CHTF8: variants seen among roughly 807,000 people sequenced by gnomAD.
CHTF8 encodes chromosome transmission fidelity protein 8 homolog.
Under a neutral mutation model 11.0 loss-of-function variants are expected in CHTF8, and 6 were observed. The observed-to-expected ratio is 0.55, with a 90% CI of 0.30 to 1.08. CHTF8 has a LOEUF of 1.08. Among genes scored for constraint, CHTF8 ranks in the 50% least tolerant of loss-of-function variants. The pLI, the probability that CHTF8 is intolerant of heterozygous loss-of-function variation, is 0.07. For synonymous variants in CHTF8, 53 were observed against 60.5 expected, an observed-to-expected ratio of 0.88 and a Z score of 0.57; for missense variants, 140 against 153.1, an observed-to-expected ratio of 0.91 and a Z score of 0.45.
In CHTF8 at chr16:69,118,810, C is replaced by A; in HGVS notation, c.*1615G>T. ...ACCTAAGACAGCCCCTGCCAAGAAC[C>A]ACAGTGCCTAGAAACCAAGGTGGTC... On this transcript the variant is annotated 3_prime_UTR_variant, in exon 4 of 4. Transcript: ENST00000448552. 1.5e-6 allele frequency: 1 copy of A among 671,416 alleles called. No homozygotes were observed. The highest frequency in any genetic ancestry group is 1.6e-5 in the South Asian group (1 of 61,490). The allele number at this position is 671,416 out of a possible 1,614,324, so 41.6% of individuals were successfully genotyped here.
intron 1 of CHTF8, among the ~76,000 whole-genome samples, chr16:69,124,094 ACT>A (rs1224975105): frequency 4.6e-5 from 7 of 151,414 alleles, no homozygotes; most frequent in South Asian, 2.1e-4. Flanking sequence ...GAAGAGCAAG[ACT>A]CTGTCTCAAA....
chr16:69,130,313 G>GT lies in CHTF8; in HGVS notation c.-36+2170dup, dbSNP rs199974418. 5.8e-3 allele frequency among the ~76,000 whole-genome samples: 698 copies of GT among 119,934 alleles called. 26 individuals carry two copies. In the South Asian group the frequency reaches 0.1, roughly 18 times the overall value. 78.7% of individuals were successfully genotyped at this position (119,934 alleles called of 152,430 possible). On this transcript the variant is annotated intron_variant, in intron 1 of 3. Transcript: ENST00000448552. ...AGCTAAACAACGTTTTAGAAATTTT[G>GT]TTTTTTTTTCAAACAGGAAACCAAG...
intron 1 of CHTF8, among the ~76,000 whole-genome samples, chr16:69,125,065 C>T (rs746900090): frequency 1.3e-5 from 2 of 151,938 alleles, no homozygotes; most frequent in South Asian, 2.1e-4. Context: ...CCACCATGCC[C>T]GGCTAATTTT....
In CHTF8 at chr16:69,119,630, T is replaced by C. The variant is rs1197513190; in HGVS notation, c.*795A>G. ...AGATCGAGGCCTTGAGGTCCAGCCA[T>C]TCTTAAGTTAAGACCAGATCCTGTG... On this transcript the variant is annotated 3_prime_UTR_variant, in exon 4 of 4. Coordinates refer to ENST00000448552, the MANE Select transcript of CHTF8 (RefSeq NM_001039690.5). 1.4e-6 allele frequency: 1 copy of C among 690,218 alleles called. No homozygotes were observed. Among genetic ancestry groups the C allele is most frequent in the South Asian group, 1.5e-5 (1 of 66,700 alleles). 42.8% of individuals were successfully genotyped at this position (690,218 alleles called of 1,614,324 possible). A position where few individuals can be genotyped will look rare whatever the true frequency, so the allele number is the denominator to read the frequency against.
intron 1 of CHTF8, chr16:69,132,036 A>G (rs1196738513): frequency 6.5e-6 from 1 of 153,058 alleles, no homozygotes; most frequent in East Asian, 2.0e-4. Context: ...TCCCGCAAGC[A>G]TAGCGGGCTG....
Position 69,118,575 on chromosome 16 carries a change from G to C in CHTF8, c.*1850C>G, listed in dbSNP as rs1961351155. On this transcript the variant is annotated 3_prime_UTR_variant, in exon 4 of 4. Coordinates refer to ENST00000448552, the MANE Select transcript of CHTF8 (RefSeq NM_001039690.5). ...TTCAAGAAACTAGTAAGAAACAATG[G>C]GCAGAAAGCTGTGGGACGAAAGCAC... 2 of 753,340 alleles carry C rather than the reference G, an allele frequency of 2.7e-6. No individual in the cohort carries two copies. Among genetic ancestry groups the C allele is most frequent in the East Asian group, 5.3e-5 (2 of 37,704 alleles). 46.7% of individuals were successfully genotyped at this position (753,340 alleles called of 1,614,324 possible).
chr16:69,122,909 C>T (rs1301035300), intron 1 of CHTF8, among the ~76,000 whole-genome samples: 1 of 151,930 alleles, frequency 6.6e-6, no homozygotes, highest in Non-Finnish European at 1.5e-5. Flanking sequence ...AAACTCCTGA[C>T]CTCAGGTGAT....
At chr16:69,124,674 C>A (rs1036245045) in intron 1 of CHTF8, among the ~76,000 whole-genome samples, 2 of 151,948 alleles carry the variant, frequency 1.3e-5, no homozygotes, top group Admixed American at 6.6e-5. Flanking sequence ...CACCCCCAGC[C>A]GATTTCTTTA....
At position 69,119,151 on chromosome 16, in the gene CHTF8, G is replaced by A. The variant is rs1166093275; in HGVS notation, c.*1274C>T. Reference sequence around the variant, plus strand: ...CTAATGGGCCAGTAGACCTTGGGAAGGTAGTTGGACTTGGACCCTGCAGGC... The same window carrying A: ...CTAATGGGCCAGTAGACCTTGGGAAAGTAGTTGGACTTGGACCCTGCAGGC... On this transcript the variant is annotated 3_prime_UTR_variant, in exon 4 of 4. Coordinates refer to ENST00000448552, the MANE Select transcript of CHTF8 (RefSeq NM_001039690.5). 4 of 702,922 alleles carry A rather than the reference G, an allele frequency of 5.7e-6. No homozygotes were observed. The highest frequency in any genetic ancestry group is 1.0e-5 in the Non-Finnish European group (4 of 385,030). The allele number at this position is 702,922 out of a possible 1,614,324, so 43.5% of individuals were successfully genotyped here. A position where few individuals can be genotyped will look rare whatever the true frequency, so the allele number is the denominator to read the frequency against.
Position 69,118,584 on chromosome 16 carries a change from C to G in CHTF8, c.*1841G>C. ...CTAGTAAGAAACAATGGGCAGAAAG[C>G]TGTGGGACGAAAGCACAGCAGGCTT... On this transcript the variant is annotated 3_prime_UTR_variant, in exon 4 of 4. Coordinates refer to ENST00000448552, the MANE Select transcript of CHTF8 (RefSeq NM_001039690.5). 1 of 736,814 alleles carries G rather than the reference C, an allele frequency of 1.4e-6. No homozygotes were observed. The allele number at this position is 736,814 out of a possible 1,614,324, so 45.6% of individuals were successfully genotyped here.
rs1200805794 is a variant in CHTF8, at chr16:69,118,585, T to G, written c.*1840A>C. The G allele has an allele frequency of 1.1e-5, 8 of 736,214 alleles. No homozygotes were observed. Among genetic ancestry groups the G allele is most frequent in the Non-Finnish European group, 1.7e-5 (7 of 406,488 alleles). 45.6% of individuals were successfully genotyped at this position (736,214 alleles called of 1,614,324 possible). The stretch of plus-strand genomic sequence containing the variant: ...TAGTAAGAAACAATGGGCAGAAAGC[T>G]GTGGGACGAAAGCACAGCAGGCTTC... On this transcript the variant is annotated 3_prime_UTR_variant, in exon 4 of 4. Transcript: ENST00000448552.
At chr16:69,126,784 A>G (rs923712900) in intron 1 of CHTF8, among the ~76,000 whole-genome samples, 1 of 152,088 alleles carries the variant, frequency 6.6e-6, no homozygotes, top group Non-Finnish European at 1.5e-5. Flanking sequence ...AGCACCTTAA[A>G]ATATCCTGTA....
intron 1 of CHTF8, among the ~76,000 whole-genome samples, 199 bp from the exon 2 acceptor site, chr16:69,121,692 G>C (rs1200201542): frequency 6.7e-6 from 1 of 149,200 alleles, no homozygotes; most frequent in African/African-American, 2.5e-5. Flanking sequence ...TTTTGAGACG[G>C]AGTCTCACTC....
In CHTF8 at chr16:69,119,196, A is replaced by G. The variant is rs564539751; in HGVS notation, c.*1229T>C. The G allele has an allele frequency of 2.6e-5, 18 of 703,058 alleles. No homozygotes were observed. In the Admixed American group the frequency reaches 3.2e-4, roughly 12 times the overall value. 43.6% of individuals were successfully genotyped at this position (703,058 alleles called of 1,614,324 possible). A position where few individuals can be genotyped will look rare whatever the true frequency, so the allele number is the denominator to read the frequency against. On this transcript the variant is annotated 3_prime_UTR_variant, in exon 4 of 4. Coordinates refer to ENST00000448552, the MANE Select transcript of CHTF8 (RefSeq NM_001039690.5). The stretch of plus-strand genomic sequence containing the variant: ...GCAGGCCAGTGGCCCTTGGGAAGTT[A>G]GCTGGGTTGGGGCCAAGTGGCCCAG...
chr16:69,121,524 A>G, intron 1 of CHTF8, 31 bp from the exon 2 acceptor site: 4 of 1,375,284 alleles, frequency 2.9e-6, no homozygotes, highest in South Asian at 1.3e-5. Context: ...ATTTAGGGTA[A>G]TAACAACAAC....
At position 69,120,509 on chromosome 16, in the gene CHTF8, G is replaced by A. The variant is rs1226379447; in HGVS notation, c.282C>T (p.Tyr94=). 6.2e-7 allele frequency: 1 copy of A among 1,614,034 alleles called. No homozygotes were observed. The highest frequency in any genetic ancestry group is 1.7e-5 in the Admixed American group (1 of 60,006). Reference sequence around the variant, plus strand: ...TGTCTTTGATGAGTGCTGTCACCAGGTACCGGGTGCCAGTCTCGCGGCCAA... The same window carrying A: ...TGTCTTTGATGAGTGCTGTCACCAGATACCGGGTGCCAGTCTCGCGGCCAA... ...DELGRETGTR[Y]LVTALIKDKI... is the part of the protein sequence containing the mutation. The change falls in exon 4 of 4, where the codon TAC becomes TAT. Residue 94 remains tyrosine (Y), a synonymous_variant. Transcript: ENST00000448552. This position sits in a 1 kb window ranked among gnomAD's most constrained non-coding sequence, Gnocchi z 4.0.
At chr16:69,128,639 AGAATCAATCCTGACCCACAATG>A (rs1962265620) in intron 1 of CHTF8, among the ~76,000 whole-genome samples, 1 of 152,248 alleles carries the variant, frequency 6.6e-6, no homozygotes, top group Non-Finnish European at 1.5e-5. Flanking sequence ...CAGCATTCAA[AGAATCAATCCTGACCCACAATG>A]GGAACCCTAC....
Position 69,119,072 on chromosome 16 carries a change from G to C in CHTF8, c.*1353C>G. 1 of 703,066 alleles carries C rather than the reference G, an allele frequency of 1.4e-6. No homozygotes were observed. Among genetic ancestry groups the C allele is most frequent in the South Asian group, 1.5e-5 (1 of 67,574 alleles). 43.6% of individuals were successfully genotyped at this position (703,066 alleles called of 1,614,324 possible). On this transcript the variant is annotated 3_prime_UTR_variant, in exon 4 of 4. Transcript: ENST00000448552. ...GGGTTGATACCCACAGGGCCAGCTG[G>C]AGAAGGGCCCAGATGCCCGGCAGCT...
At position 69,118,296 on chromosome 16, in the gene CHTF8, A is replaced by G. The variant is rs1961317165; in HGVS notation, c.*2129T>C. 1 of 1,102,560 alleles carries G rather than the reference A, an allele frequency of 9.1e-7. No homozygotes were observed. Among genetic ancestry groups the G allele is most frequent in the Non-Finnish European group, 1.4e-6 (1 of 715,206 alleles). The allele number at this position is 1,102,560 out of a possible 1,614,324, so 68.3% of individuals were successfully genotyped here. A position where few individuals can be genotyped will look rare whatever the true frequency, so the allele number is the denominator to read the frequency against. ...TGCAGGCCCAGTCAGTCAAGCAGAA[A>G]CTGCATTCGGTGGGTCTTTCTTTGA... On this transcript the variant is annotated 3_prime_UTR_variant, in exon 4 of 4. Transcript: ENST00000448552.
Sources: allele counts gnomAD v4.1 joint callset (sites outside exome capture counted in the v4.1 genomes callset), GRCh38; gene constraint gnomAD v4.1.1; non-coding constraint Gnocchi (gnomAD v3.1); transcripts MANE v1.5; gene names NCBI Gene and HGNC (gene_info 2026-07-23, HGNC 2026-07-21).